The following INPP4B variants were observed in gnomAD, a reference collection of about 807,000 sequenced individuals.
INPP4B encodes the protein inositol polyphosphate 4-phosphatase type II.
INPP4B carries 55 observed loss-of-function variants against 122.5 expected under a neutral mutation model. The observed-to-expected ratio is 0.45, with a 90% CI of 0.36 to 0.56. The LOEUF is 0.56. Among genes scored for constraint, INPP4B ranks in the 20% least tolerant of loss-of-function variants. The pLI, the probability that INPP4B is intolerant of heterozygous loss-of-function variation, is 0.00. For synonymous variants in INPP4B, 403 were observed against 388.7 expected (o/e 1.04, Z -0.43); for missense variants, 1,000 against 1,097.7 (o/e 0.91, Z 1.26).
chr4:142,576,693 A>C (rs1443016124), intron 2 of INPP4B, among the ~76,000 whole-genome samples: 1 of 152,008 alleles, frequency 6.6e-6, no homozygotes, highest in Non-Finnish European at 1.5e-5. Flanking sequence ...TTGCAATGAC[A>C]CTCAAGGATT....
intron 7 of INPP4B, among the ~76,000 whole-genome samples, chr4:142,337,945 T>C (rs944063440): frequency 6.6e-6 from 1 of 151,714 alleles, no homozygotes. Flanking sequence ...GAGTATATAA[T>C]TGTATATCTT....
chr4:142,102,205 T>C (rs2152650172), intron 23 of INPP4B, among the ~76,000 whole-genome samples: 1 of 152,158 alleles, frequency 6.6e-6, no homozygotes, highest in Admixed American at 6.6e-5. Context: ...ATACTAAAAA[T>C]GGAAAATGCT....
At chr4:142,747,725 C>T (rs1167668121) in intron 1 of INPP4B, among the ~76,000 whole-genome samples, 2 of 152,078 alleles carry the variant, frequency 1.3e-5, no homozygotes, top group African/African-American at 2.4e-5. Flanking sequence ...TTTGTAGGGA[C>T]ATGGATGAAG....
chr4:142,654,521 A>G (rs1753764229), intron 2 of INPP4B: 1 of 152,152 alleles, frequency 6.6e-6, no homozygotes, highest in African/African-American at 2.4e-5. Context: ...ATTTAATTGT[A>G]TAAATTCTGT....
At chr4:142,414,952 G>A (rs1221196366) in intron 5 of INPP4B, among the ~76,000 whole-genome samples, 1 of 152,206 alleles carries the variant, frequency 6.6e-6, no homozygotes, top group African/African-American at 2.4e-5. Flanking sequence ...AGGAAAGCAG[G>A]TCCCCCTGAA....
chr4:142,446,145 T>A (rs912993383), intron 3 of INPP4B, among the ~76,000 whole-genome samples: 2 of 151,808 alleles, frequency 1.3e-5, no homozygotes, highest in Admixed American at 1.3e-4. Context: ...ATAAAAAAAA[T>A]GTGTCATAAA....
chr4:142,117,566 C>T (rs6829180), intron 21 of INPP4B, among the ~76,000 whole-genome samples: 20,367 of 151,928 alleles, frequency 0.13, 1,531 homozygotes, highest in East Asian at 0.23. Flanking sequence ...AAAAATCACA[C>T]GACTATCTCA....
intron 18 of INPP4B, 54 bp downstream of exon 18, chr4:142,145,781 TCACGA>T: frequency 6.5e-7 from 1 of 1,532,468 alleles, no homozygotes; most frequent in African/African-American, 1.4e-5. Context: ...CATTTTTTTT[TCACGA>T]GTTTCTCATT....
chr4:142,819,936 T>C (rs1780598069), intron 1 of INPP4B, among the ~76,000 whole-genome samples: 1 of 152,074 alleles, frequency 6.6e-6, no homozygotes, highest in Non-Finnish European at 1.5e-5. Flanking sequence ...GAGCCGAGGC[T>C]AAAATTTACT....
intron 14 of INPP4B, among the ~76,000 whole-genome samples, chr4:142,205,217 T>C (rs1032244108): frequency 6.6e-6 from 1 of 152,136 alleles, no homozygotes; most frequent in African/African-American, 2.4e-5. Flanking sequence ...TAGTTTCTCT[T>C]TGTTTGGTGG....
intron 1 of INPP4B, among the ~76,000 whole-genome samples, chr4:142,834,382 CTACCTG>C: frequency 6.6e-6 from 1 of 152,266 alleles, no homozygotes; most frequent in African/African-American, 2.4e-5. Flanking sequence ...TTAAAAACTG[CTACCTG>C]TTGCTCTCCC....
At chr4:142,603,824 CA>C (rs990254380) in intron 2 of INPP4B, among the ~76,000 whole-genome samples, 7 of 151,686 alleles carry the variant, frequency 4.6e-5, no homozygotes, top group East Asian at 1.9e-4. Flanking sequence ...CAAACTATTC[CA>C]AAAAAATTGA....
At chr4:142,471,656 C>A (rs1370588905) in intron 2 of INPP4B, among the ~76,000 whole-genome samples, 1 of 152,162 alleles carries the variant, frequency 6.6e-6, no homozygotes, top group African/African-American at 2.4e-5. Context: ...CCCTGAGGCC[C>A]AGCATCAGCA....
intron 7 of INPP4B, among the ~76,000 whole-genome samples, chr4:142,333,635 A>C (rs2151577332): frequency 6.6e-6 from 1 of 152,296 alleles, no homozygotes; most frequent in South Asian, 2.1e-4. Context: ...TCTTGTCTTT[A>C]TTACAGGTAC....
intron 5 of INPP4B, among the ~76,000 whole-genome samples, chr4:142,416,566 TGAA>T (rs1426267865): frequency 6.6e-6 from 1 of 152,098 alleles, no homozygotes; most frequent in Non-Finnish European, 1.5e-5. Context: ...ATTATTAAAT[TGAA>T]GACACATAAA....
intron 7 of INPP4B, among the ~76,000 whole-genome samples, chr4:142,316,901 C>A (rs985900693): frequency 1.3e-5 from 2 of 152,120 alleles, no homozygotes; most frequent in African/African-American, 4.8e-5. Context: ...GTAGCAAGCA[C>A]TGGATGTGCC....
chr4:142,638,998 T>G (rs1749788912), intron 2 of INPP4B, among the ~76,000 whole-genome samples: 1 of 152,306 alleles, frequency 6.6e-6, no homozygotes, highest in Admixed American at 6.5e-5. Context: ...GTGTTGGAGT[T>G]TAGTCAAATT....
intron 2 of INPP4B, among the ~76,000 whole-genome samples, chr4:142,503,739 C>T (rs1034199164): frequency 8.6e-5 from 13 of 152,030 alleles, no homozygotes; most frequent in African/African-American, 2.9e-4. Flanking sequence ...GTAATTAAAA[C>T]TTATAATACA....
At chr4:142,646,247 A>G (rs1751755985) in intron 2 of INPP4B, among the ~76,000 whole-genome samples, 1 of 152,232 alleles carries the variant, frequency 6.6e-6, no homozygotes, top group Non-Finnish European at 1.5e-5. Context: ...AAACATCAAC[A>G]CAAGAAACTA....
Sources: allele counts gnomAD v4.1 joint callset (sites outside exome capture counted in the v4.1 genomes callset), GRCh38; gene constraint gnomAD v4.1.1; transcripts MANE v1.5; gene names NCBI Gene and HGNC (gene_info 2026-07-23, HGNC 2026-07-21).